Variants in TESPA1 observed in about 807,000 individuals in gnomAD.
The protein encoded by TESPA1 is thymocyte expressed, positive selection associated 1.
A neutral mutation model predicts 57.9 loss-of-function variants in TESPA1; 33 were observed. The ratio of observed to expected loss-of-function variants is 0.57; its 90% CI spans 0.43 to 0.76. The LOEUF (loss-of-function observed/expected upper bound fraction) is 0.76. Ranked by LOEUF, TESPA1 falls within the 30% of genes least tolerant of loss-of-function variation. The pLI, the probability that TESPA1 is intolerant of heterozygous loss-of-function variation, is 0.00. For missense variants in TESPA1, 618 were observed against 632.9 expected, an observed-to-expected ratio of 0.98 and a Z score of 0.25; for synonymous variants, 227 against 228.9, an observed-to-expected ratio of 0.99 and a Z score of 0.07.
intron 3 of TESPA1, among the ~76,000 whole-genome samples, chr12:54,969,021 G>GTGTGTGTGTATATATA (rs370590552): frequency 9.6e-5 from 8 of 83,670 alleles, no homozygotes; most frequent in Non-Finnish European, 1.3e-4. Context: ...ATTTATATAT[G>GTGTGTGTGTATATATA]TATATATATA....
rs113291185 is a variant in TESPA1, at chr12:54,973,365, T to C, written c.206+112A>G. ...ACCACCATCTCAACCTTACTTCTAA[T>C]CTTTAGGCCCAAATCAAATCCATCT... On this transcript the variant is annotated intron_variant, in intron 3 of 10. Coordinates refer to ENST00000449076, the MANE Select transcript of TESPA1 (RefSeq NM_001136030.3). The C allele has an allele frequency of 6.4e-4, 951 of 1,493,364 alleles. 3 individuals carry two copies. The African/African-American group carries it at 0.011, about 17-fold the overall frequency. 92.5% of individuals were successfully genotyped at this position (1,493,364 alleles called of 1,614,324 possible).
At chr12:54,984,539 C>G (rs1455141251) in intron 1 of TESPA1, 46 bp downstream of exon 1, 1 of 152,166 alleles carries the variant, frequency 6.6e-6, no homozygotes, top group Non-Finnish European at 1.5e-5. Context: ...CCTAGCATCA[C>G]CCTAAATCAG....
intron 1 of TESPA1, among the ~76,000 whole-genome samples, chr12:54,975,907 A>C (rs1490751442): frequency 6.6e-6 from 1 of 152,180 alleles, no homozygotes; most frequent in Non-Finnish European, 1.5e-5. Context: ...AGGAAAAAAT[A>C]ATACATAATT....
chr12:54,966,883 T>A (rs1334814666), intron 5 of TESPA1, among the ~76,000 whole-genome samples: 1 of 152,158 alleles, frequency 6.6e-6, no homozygotes, highest in Admixed American at 6.5e-5. Context: ...CAGAAAACAG[T>A]CTTAAAGCTA....
chr12:54,953,550 C>T (rs1950534869), intron 10 of TESPA1, among the ~76,000 whole-genome samples: 1 of 138,578 alleles, frequency 7.2e-6, no homozygotes, highest in African/African-American at 2.8e-5. Context: ...CGGAGTCTCG[C>T]TCTGTCGCCC....
At position 54,966,070 on chromosome 12, in the gene TESPA1, G is replaced by C; in HGVS notation, c.429C>G (p.Thr143=). The change falls in exon 7 of 11, where the codon ACC becomes ACG. Residue 143 remains threonine, a synonymous_variant. Coordinates refer to ENST00000449076, the MANE Select transcript of TESPA1 (RefSeq NM_001136030.3). ...SLASSSMTGG[T]NKTSSSISEI... ...GTACCTACCTTGAACTAGTCTTGTT[G>C]GTCCCCCCAGTCATGCTGCTGGAAG... The C allele has an allele frequency of 6.3e-7, 1 of 1,575,136 alleles. No individual in the cohort carries two copies. The highest frequency in any genetic ancestry group is 8.6e-7 in the Non-Finnish European group (1 of 1,159,232).
rs1440920889 is a variant in TESPA1 at position 54,966,043 on chromosome 12, C to T, written c.446+10G>A. 6.4e-7 allele frequency: 1 copy of T among 1,563,250 alleles called. No individual in the cohort carries two copies. Among genetic ancestry groups the T allele is most frequent in the South Asian group, 1.2e-5 (1 of 84,734 alleles). ...TCCACCCTTCCACCCTGCCAAACTT[C>T]AGTACCTACCTTGAACTAGTCTTGT... On this transcript the variant is annotated intron_variant, in intron 7 of 10. Coordinates refer to ENST00000449076, the MANE Select transcript of TESPA1 (RefSeq NM_001136030.3).
At position 54,949,955 on chromosome 12, in the gene TESPA1, C is replaced by T. The variant is rs540052787; in HGVS notation, c.*437G>A. ...AGCCAGAAAGTGAGGTGTCCTTCCT[C>T]TCTTCACTTGGGCCTTTTGAAAGTA... is the stretch of plus-strand genomic sequence containing the variant. On this transcript the variant is annotated 3_prime_UTR_variant, in exon 11 of 11. Transcript: ENST00000449076. The T allele has an allele frequency of 4.8e-5, 9 of 187,832 alleles. No homozygotes were observed. The highest frequency in any genetic ancestry group is 4.6e-4 in the Admixed American group (8 of 17,498). 11.6% of individuals were successfully genotyped at this position (187,832 alleles called of 1,614,324 possible).
rs570508646 is a variant in TESPA1 at position 54,981,476 on chromosome 12, C to T, written c.-46+3109G>A. Among the ~76,000 whole-genome samples, 16 of 151,476 alleles carry T rather than the reference C, an allele frequency of 1.1e-4. No homozygotes were observed. The South Asian group carries it at 1.3e-3, about 12-fold the overall frequency. On this transcript the variant is annotated intron_variant, in intron 1 of 10. Coordinates refer to ENST00000449076, the MANE Select transcript of TESPA1 (RefSeq NM_001136030.3). ...TAGGAGATGTACCTAATGTAACTGACGAGTTAACGGGTGCAGCACACCAAC... is the reference window on the plus strand; with the variant it reads ...TAGGAGATGTACCTAATGTAACTGATGAGTTAACGGGTGCAGCACACCAAC...
intron 1 of TESPA1, among the ~76,000 whole-genome samples, chr12:54,979,213 A>AT (rs2136210188): frequency 6.6e-6 from 1 of 152,134 alleles, no homozygotes; most frequent in East Asian, 1.9e-4. Context: ...TATTTAAAAA[A>AT]AATATTTTCC....
At chr12:54,970,418 C>T (rs938399038) in intron 3 of TESPA1, among the ~76,000 whole-genome samples, 1 of 152,130 alleles carries the variant, frequency 6.6e-6, no homozygotes, top group Non-Finnish European at 1.5e-5. Context: ...TCATTGGATA[C>T]AAGTTTTTAT....
At position 54,962,984 on chromosome 12, in the gene TESPA1, T is replaced by C; in HGVS notation, c.914A>G (p.Asn305Ser). The C allele has an allele frequency of 6.2e-7, 1 of 1,613,422 alleles. No homozygotes were observed. Among genetic ancestry groups the C allele is most frequent in the African/African-American group, 1.3e-5 (1 of 74,826 alleles). Residue 305 changes from asparagine to serine, a missense_variant, in exon 9 of 11, where the codon AAC becomes AGC. Physicochemically the swap from Asn to Ser is conservative, Grantham distance 46. Around this residue, in one of 3 missense-constraint regions of TESPA1, gnomAD observed 409 missense variants for 420.1 expected, o/e 0.97. Transcript: ENST00000449076. The part of the protein sequence containing the change: ...CPRDRPPPPH[N>S]TPKRNSLDQV... ...GTCCAAACTGTTCCTTTTGGGGGTG[T>C]TGTGGGGTGGTGGTGGCCGGTCTCG...
At chr12:54,974,671 G>A in intron 1 of TESPA1, 64 bp from the exon 2 acceptor site, 1 of 1,253,438 alleles carries the variant, frequency 8.0e-7, no homozygotes, top group Non-Finnish European at 1.0e-6. Flanking sequence ...GATGCTCAGG[G>A]TTGCCCCCTG....
chr12:54,951,481 C>T lies in TESPA1; in HGVS notation c.*2-1091G>A, dbSNP rs17116661. On this transcript the variant is annotated intron_variant, in intron 10 of 10. Coordinates refer to ENST00000449076, the MANE Select transcript of TESPA1 (RefSeq NM_001136030.3). ...CTCCTAAACCATAGCCTTTCCCATT[C>T]TATTGATTCTTTCCTTCCAGGGAAA... 6.2e-3 allele frequency among the ~76,000 whole-genome samples: 945 copies of T among 152,296 alleles called. 14 individuals carry two copies. The highest frequency in any genetic ancestry group is 0.022 in the African/African-American group (903 of 41,568).
chr12:54,954,672 T>C (rs1213887427), intron 10 of TESPA1, among the ~76,000 whole-genome samples: 2 of 152,256 alleles, frequency 1.3e-5, no homozygotes, highest in African/African-American at 2.4e-5. Context: ...GTAATTATAC[T>C]GTATAGCATT....
At chr12:54,967,702 T>C in intron 4 of TESPA1, 141 bp downstream of exon 4, 1 of 1,012,976 alleles carries the variant, frequency 9.9e-7, no homozygotes, top group Non-Finnish European at 1.4e-6. Flanking sequence ...ACGAATAGTG[T>C]TTTGCAGCCA....
At chr12:54,953,743 A>G (rs1950549568) in intron 10 of TESPA1, among the ~76,000 whole-genome samples, 1 of 151,756 alleles carries the variant, frequency 6.6e-6, no homozygotes. Context: ...GATGCTCTCA[A>G]TCTCCTGACC....
At chr12:54,965,070 T>G (rs1951338089) in intron 7 of TESPA1, among the ~76,000 whole-genome samples, 1 of 152,228 alleles carries the variant, frequency 6.6e-6, no homozygotes, top group South Asian at 2.1e-4. Context: ...ATCATACTAG[T>G]TTTCCTGACT....
intron 10 of TESPA1, among the ~76,000 whole-genome samples, chr12:54,953,855 A>G (rs929437226): frequency 2.0e-5 from 3 of 152,178 alleles, no homozygotes; most frequent in African/African-American, 7.2e-5. Context: ...CACATCGTTA[A>G]AAAAAGTAAT....
Sources: gnomAD v4.1 joint callset for allele counts (sites outside exome capture counted in the v4.1 genomes callset) on GRCh38, gnomAD v4.1.1 for gene constraint, gnomAD v4.1.1 regional missense constraint, MANE v1.5 for transcripts, NCBI Gene and HGNC (gene_info 2026-07-23, HGNC 2026-07-21) for gene names.